Variants in CACNA1E observed in about 807,000 individuals in gnomAD.
CACNA1E encodes the protein calcium voltage-gated channel subunit alpha1 E.
In CACNA1E, 40 loss-of-function variants were observed where a neutral mutation model predicts 259.2. The observed-to-expected ratio is 0.15, with a 90% confidence interval of 0.12 to 0.20. CACNA1E has a LOEUF of 0.20. Ranked by LOEUF, CACNA1E falls within the 10% of genes least tolerant of loss-of-function variation. The pLI, the probability that CACNA1E is intolerant of heterozygous loss-of-function variation, is 1.00. For synonymous variants in CACNA1E, 1,104 were observed against 1,138.5 expected (o/e 0.97, Z 0.61); for missense variants, 1,874 against 3,040.1 (o/e 0.62, Z 9.02).
rs184680838 is a variant in CACNA1E, at chr1:181,552,600, G to A, written c.513-25166G>A. Reference sequence around the variant, plus strand: ...GGACATTTGATGTTTTCCAGTTTGGGGTGATTATGAATAAAGCTGCTCTAA... The same window carrying A: ...GGACATTTGATGTTTTCCAGTTTGGAGTGATTATGAATAAAGCTGCTCTAA... On this transcript the variant is annotated intron_variant, in intron 3 of 47. Coordinates refer to ENST00000367573, the MANE Select transcript of CACNA1E (RefSeq NM_001205293.3). Among the ~76,000 whole-genome samples the A allele has an allele frequency of 2.2e-3, 328 of 151,766 alleles. 1 individual carries two copies. Among genetic ancestry groups the A allele is most frequent in the Admixed American group, 3.9e-3 (60 of 15,250 alleles).
intron 6 of CACNA1E, among the ~76,000 whole-genome samples, chr1:181,607,431 C>G (rs1403984061): frequency 1.3e-5 from 2 of 152,088 alleles, no homozygotes; most frequent in Non-Finnish European, 2.9e-5. Flanking sequence ...ATGTATGTAC[C>G]TTTCAGTCCC....
At chr1:181,684,798 CT>C (rs1650340881) in intron 7 of CACNA1E, among the ~76,000 whole-genome samples, 1 of 150,152 alleles carries the variant, frequency 6.7e-6, no homozygotes, top group Non-Finnish European at 1.5e-5. Flanking sequence ...TGCTGATTTG[CT>C]TTGTTTCATG....
intron 6 of CACNA1E, among the ~76,000 whole-genome samples, chr1:181,588,783 T>C (rs1304979465): frequency 6.6e-6 from 1 of 152,228 alleles, no homozygotes; most frequent in Non-Finnish European, 1.5e-5. Context: ...GTCATGCAGC[T>C]TTGGGCTATG....
chr1:181,782,220 A>G (rs1376163653), intron 39 of CACNA1E, among the ~76,000 whole-genome samples: 1 of 152,266 alleles, frequency 6.6e-6, no homozygotes, highest in Non-Finnish European at 1.5e-5. Flanking sequence ...TGTATTCAGC[A>G]TTAAATTTGA....
At chr1:181,783,646 T>TTTTCC in intron 39 of CACNA1E, 33 bp from the exon 40 acceptor site, 1 of 1,260,716 alleles carries the variant, frequency 7.9e-7, no homozygotes. Context: ...TTTTTTTTTT[T>TTTTCC]TGCCTGCTGT....
At chr1:181,621,976 C>T (rs930541056) in intron 6 of CACNA1E, among the ~76,000 whole-genome samples, 6 of 152,140 alleles carry the variant, frequency 3.9e-5, no homozygotes, top group African/African-American at 1.4e-4. Context: ...AAGACCCTGC[C>T]GAGCTAAGAC....
At chr1:181,420,005 C>T (rs1220998000) in intron 2 of CACNA1E, among the ~76,000 whole-genome samples, 1 of 152,116 alleles carries the variant, frequency 6.6e-6, no homozygotes, top group Non-Finnish European at 1.5e-5. Context: ...CAGCCTGGTC[C>T]TTTCCCAGGG....
chr1:181,700,938 C>T (rs1652189044), intron 7 of CACNA1E, among the ~76,000 whole-genome samples: 2 of 152,158 alleles, frequency 1.3e-5, no homozygotes, highest in South Asian at 4.1e-4. Flanking sequence ...GCTCTTCTTT[C>T]CCATCTCCAC....
At chr1:181,455,698 C>T (rs933475302) in intron 2 of CACNA1E, among the ~76,000 whole-genome samples, 21 of 152,350 alleles carry the variant, frequency 1.4e-4, no homozygotes, top group Admixed American at 9.1e-4. Flanking sequence ...ATCTGATGCT[C>T]AGTAACTCAG....
chr1:181,357,355 T>A (rs951544474), intron 1 of CACNA1E, among the ~76,000 whole-genome samples: 3 of 152,196 alleles, frequency 2.0e-5, no homozygotes, highest in Admixed American at 2.0e-4. Flanking sequence ...AATTTTTCAA[T>A]ATTCAAACTA....
rs560662850 is a variant in CACNA1E at position 181,737,512 on chromosome 1, C to T, written c.3423-13C>T. The T allele has an allele frequency of 1.1e-5, 18 of 1,613,394 alleles. No individual in the cohort carries two copies. In the East Asian group the frequency reaches 3.1e-4, roughly 28 times the overall value. On this transcript the variant is annotated splice_polypyrimidine_tract_variant and intron_variant, in intron 22 of 47. Coordinates refer to ENST00000367573, the MANE Select transcript of CACNA1E (RefSeq NM_001205293.3). Reference sequence around the variant, plus strand: ...GGGGAGTGGGCCAGCTCAGCCATGCCCACTGCCCGCAGGATCCGGAGGGCC... The same window carrying T: ...GGGGAGTGGGCCAGCTCAGCCATGCTCACTGCCCGCAGGATCCGGAGGGCC...
At chr1:181,665,178 C>T (rs537562252) in intron 7 of CACNA1E, among the ~76,000 whole-genome samples, 3,434 of 152,142 alleles carry the variant, frequency 0.023, 63 homozygotes, top group Non-Finnish European at 0.038. Flanking sequence ...CACACACACA[C>T]ACATATACAT....
chr1:181,495,151 G>A (rs1664640914), intron 1 of CACNA1E, among the ~76,000 whole-genome samples: 2 of 152,196 alleles, frequency 1.3e-5, no homozygotes, highest in Non-Finnish European at 2.9e-5. Context: ...CAATAAAAGT[G>A]TTGTGTCCTA....
At chr1:181,384,660 C>T (rs1372047610) in intron 1 of CACNA1E, among the ~76,000 whole-genome samples, 4 of 152,152 alleles carry the variant, frequency 2.6e-5, no homozygotes, top group Admixed American at 2.6e-4. Context: ...TCTCTCTGCA[C>T]CCTTTGTGCT....
chr1:181,529,537 C>T (rs1572114003), intron 3 of CACNA1E, among the ~76,000 whole-genome samples: 2 of 152,356 alleles, frequency 1.3e-5, no homozygotes. Flanking sequence ...GCCGCAGACA[C>T]TCAACACCAG....
intron 6 of CACNA1E, among the ~76,000 whole-genome samples, chr1:181,635,913 G>A (rs1657168998): frequency 6.6e-6 from 1 of 152,166 alleles, no homozygotes; most frequent in South Asian, 2.1e-4. Context: ...CCCTCTAAGA[G>A]TTCACAGATC....
At chr1:181,771,242 C>T (rs1478001391) in intron 35 of CACNA1E, 51 bp from the exon 36 acceptor site, 3 of 1,031,312 alleles carry the variant, frequency 2.9e-6, no homozygotes, top group Admixed American at 2.0e-5. Flanking sequence ...GTGCTGGACA[C>T]ATCACACAGC....
chr1:181,510,630 G>A (rs1666084105), intron 2 of CACNA1E, 48 bp downstream of exon 2: 2 of 1,220,974 alleles, frequency 1.6e-6, no homozygotes, highest in Admixed American at 1.7e-5. Context: ...GTCTTTCTTG[G>A]TTTCTTCTCC....
chr1:181,317,989 T>G (rs895610004), exon 1 of CACNA1E: 2 of 151,934 alleles, frequency 1.3e-5, no homozygotes, highest in African/African-American at 4.8e-5. Context: ...CCCCTTCAAT[T>G]TCACCATTTC....
Sources: allele counts gnomAD v4.1 joint callset (sites outside exome capture counted in the v4.1 genomes callset), GRCh38; gene constraint gnomAD v4.1.1; transcripts MANE v1.5; gene names NCBI Gene and HGNC (gene_info 2026-07-23, HGNC 2026-07-21).